TTC19: variants seen among roughly 807,000 people sequenced by gnomAD.
The protein encoded by TTC19 is tetratricopeptide repeat protein 19, mitochondrial.
In TTC19, 38 loss-of-function variants were observed where a neutral mutation model predicts 49.5. The ratio of observed to expected loss-of-function variants is 0.77; its 90% confidence interval spans 0.59 to 1.01. The LOEUF (loss-of-function observed/expected upper bound fraction) is 1.01, where lower values mean the gene tolerates loss of function less well. Among genes scored for constraint, TTC19 ranks in the 50% least tolerant of loss-of-function variants. The pLI is 0.00. For synonymous variants in TTC19, 204 were observed against 185.2 expected, an observed-to-expected ratio of 1.10 and a Z score of -0.83; for missense variants, 475 against 477.7, an observed-to-expected ratio of 0.99 and a Z score of 0.05.
intron 7 of TTC19, among the ~76,000 whole-genome samples, chr17:16,010,934 A>G (rs1168242434): frequency 1.3e-5 from 2 of 152,246 alleles, no homozygotes; most frequent in Admixed American, 6.5e-5. Flanking sequence ...GAGTGTATGA[A>G]TAGTGTTAGC....
At chr17:16,038,281 G>C (rs1478552089) in intron 2 of TTC19, among the ~76,000 whole-genome samples, 6 of 152,084 alleles carry the variant, frequency 3.9e-5, no homozygotes, top group Admixed American at 2.0e-4. Context: ...TTTTTTGTGT[G>C]CTTGTTTTTA....
chr17:16,032,230 C>T (rs1484185917), downstream of TTC19: 1 of 1,460,444 alleles, frequency 6.8e-7, no homozygotes, highest in Non-Finnish European at 9.0e-7. Flanking sequence ...TGACCTGCTA[C>T]TAAAAATTAA....
At chr17:16,025,290 C>T (rs1971517005) in intron 8 of TTC19, 119 bp downstream of exon 8, 5 of 1,013,042 alleles carry the variant, frequency 4.9e-6, no homozygotes, top group Non-Finnish European at 7.5e-6. Flanking sequence ...TCCTTGGTCC[C>T]CAGTCTACTC....
rs2057163256 is a variant in TTC19 at position 16,039,639 on chromosome 17, C to G, written c.248-4864C>G. ...GGCAGGATCAGCAAAAGAATGGCCT[C>G]TAGAGCTAACTGAGCCTGAAAGAGA... On this transcript the variant is annotated intron_variant, in intron 2 of 2. Coordinates refer to the TTC19 transcript ENST00000470649. 6 of 1,613,826 alleles carry G rather than the reference C, an allele frequency of 3.7e-6. No homozygotes were observed. The East Asian group carries it at 1.3e-4, about 36-fold the overall frequency.
At chr17:16,004,026 G>T (rs1970821425) in intron 5 of TTC19, 139 bp downstream of exon 5, 1 of 1,151,516 alleles carries the variant, frequency 8.7e-7, no homozygotes, top group South Asian at 1.3e-5. Context: ...TATACAAATT[G>T]CCATTCTTTC....
intron 2 of TTC19, among the ~76,000 whole-genome samples, chr17:16,001,462 C>T (rs557222221): frequency 5.3e-5 from 8 of 152,202 alleles, no homozygotes; most frequent in Non-Finnish European, 1.0e-4. Flanking sequence ...CTCATCCTTA[C>T]TACCTCAGTT....
intron 7 of TTC19, among the ~76,000 whole-genome samples, chr17:16,012,830 G>A (rs797019515): frequency 3.9e-5 from 6 of 152,186 alleles, no homozygotes; most frequent in African/African-American, 1.4e-4. Flanking sequence ...GAGCCACCAC[G>A]CTAGGCCTAT....
intron 9 of TTC19, chr17:16,027,083 T>C (rs1971584500): frequency 1.9e-6 from 1 of 518,348 alleles, no homozygotes; most frequent in Non-Finnish European, 3.5e-6. Flanking sequence ...CAGCACACTA[T>C]ACCGATCATT....
intron 2 of TTC19, among the ~76,000 whole-genome samples, chr17:16,035,607 C>A (rs1212603080): frequency 6.7e-6 from 1 of 150,074 alleles, no homozygotes; most frequent in Non-Finnish European, 1.5e-5. Context: ...ACAATCACGG[C>A]TTACCAGCTC....
chr17:16,003,074 C>T (rs1203031729), intron 4 of TTC19, among the ~76,000 whole-genome samples: 1 of 152,170 alleles, frequency 6.6e-6, no homozygotes, highest in Admixed American at 6.5e-5. Flanking sequence ...AAGATAAGCC[C>T]TCCTCTGCCT....
chr17:16,004,225 T>A lies in TTC19; in HGVS notation c.544T>A (p.Ser182Thr). The change falls in exon 6 of 10, where the codon TCC becomes ACC. Residue 182 changes from serine (S) to threonine (T), a missense_variant. Ser to Thr is a moderately conservative substitution (Grantham distance 58). Coordinates refer to ENST00000261647, the MANE Select transcript of TTC19 (RefSeq NM_017775.4). ...KQEDNAIIEI[S>T]LKLASIYAAQ... ...GGAGGACAATGCAATAATTGAAATT[T>A]CCCTAAAGCTGGCCAGTATCTATGC... The A allele has an allele frequency of 6.2e-7, 1 of 1,614,230 alleles. No homozygotes were observed. Among genetic ancestry groups the A allele is most frequent in the Admixed American group, 1.7e-5 (1 of 60,032 alleles).
intron 7 of TTC19, among the ~76,000 whole-genome samples, chr17:16,020,971 G>GC (rs1971361299): frequency 6.6e-6 from 1 of 152,152 alleles, no homozygotes; most frequent in South Asian, 2.1e-4. Flanking sequence ...GCAGGTGTGA[G>GC]CCACCACGCC....
downstream of TTC19, among the ~76,000 whole-genome samples, chr17:16,033,616 A>T (rs969546000): frequency 6.6e-6 from 1 of 151,232 alleles, no homozygotes; most frequent in Non-Finnish European, 1.5e-5. Context: ...AAGATGGCTT[A>T]TAATTCTCTG....
At position 15,999,922 on chromosome 17, in the gene TTC19, C is replaced by A; in HGVS notation, c.74C>A (p.Ser25Tyr). The change falls in exon 1 of 10, where the codon TCC becomes TAC. Residue 25 changes from serine (S) to tyrosine (Y), a missense_variant. Ser to Tyr is a moderately radical substitution (Grantham distance 144, BLOSUM62 -2). Coordinates refer to ENST00000261647, the MANE Select transcript of TTC19 (RefSeq NM_017775.4). Reference protein sequence around the residue: ...RAAGRRCRGCSARLLPGLAGG... With the variant: ...RAAGRRCRGCYARLLPGLAGG... ...GCGGGGCGGCGGTGCCGGGGCTGCTCCGCGCGCCTGCTCCCGGGGCTGGCA... is the reference window on the plus strand; with the variant it reads ...GCGGGGCGGCGGTGCCGGGGCTGCTACGCGCGCCTGCTCCCGGGGCTGGCA... The A allele has an allele frequency of 1.5e-6, 2 of 1,350,488 alleles. No individual in the cohort carries two copies. Among genetic ancestry groups the A allele is most frequent in the South Asian group, 3.7e-5 (2 of 54,046 alleles). The allele number at this position is 1,350,488 out of a possible 1,614,324, so 83.7% of individuals were successfully genotyped here. A position where few individuals can be genotyped will look rare whatever the true frequency, so the allele number is the denominator to read the frequency against.
At chr17:16,018,803 T>A (rs190190415) in intron 7 of TTC19, among the ~76,000 whole-genome samples, 2 of 152,308 alleles carry the variant, frequency 1.3e-5, no homozygotes, top group Admixed American at 1.3e-4. Flanking sequence ...GCATCACGCC[T>A]GGCTTCCCTC....
intron 7 of TTC19, among the ~76,000 whole-genome samples, 197 bp downstream of exon 7, chr17:16,006,765 TG>T (rs1970921168): frequency 6.6e-6 from 1 of 152,152 alleles, no homozygotes; most frequent in Admixed American, 6.5e-5. Flanking sequence ...GTTTTGGTGG[TG>T]GTTTTTTTTT....
At chr17:16,031,240 C>T (rs1971931681), downstream of TTC19, 1 of 198,632 alleles carries the variant, frequency 5.0e-6, no homozygotes, top group Non-Finnish European at 1.0e-5. Context: ...ACTGTGTTCA[C>T]CATGAGTTTT....
chr17:16,002,294 T>G (rs1970761665), intron 3 of TTC19, among the ~76,000 whole-genome samples: 1 of 152,184 alleles, frequency 6.6e-6, no homozygotes, highest in Admixed American at 6.5e-5. Flanking sequence ...TTCTTTTGCC[T>G]CACCCTCCCG....
chr17:16,039,728 A>G (rs1740414090), intron 2 of TTC19: 13 of 1,311,610 alleles, frequency 9.9e-6, no homozygotes, highest in Non-Finnish European at 1.4e-5. Flanking sequence ...TTGCCCCATC[A>G]GCCCACTGAA....
Sources: allele counts gnomAD v4.1 joint callset (sites outside exome capture counted in the v4.1 genomes callset), GRCh38; gene constraint gnomAD v4.1.1; transcripts MANE v1.5; gene names NCBI Gene and HGNC (gene_info 2026-07-23, HGNC 2026-07-21).